Variants in CHRM3 observed in about 807,000 individuals in gnomAD.
CHRM3 encodes muscarinic acetylcholine receptor M3.
In CHRM3, 11 loss-of-function variants were observed where a neutral mutation model predicts 41.8. The observed-to-expected ratio is 0.26, with a 90% CI of 0.17 to 0.44. CHRM3 has a LOEUF of 0.44. Ranked by LOEUF, CHRM3 falls within the 20% of genes least tolerant of loss-of-function variation. The probability of loss-of-function intolerance (pLI) is 1.00; values close to 1 mark genes in which losing one functional copy is unlikely to be tolerated. For synonymous variants in CHRM3, 297 were observed against 301.4 expected (o/e 0.99, Z 0.15); for missense variants, 571 against 745.4 (o/e 0.77, Z 2.72).
At chr1:239,767,886 TGTTTAAGAGCCGGCCCTG>T (rs1667347692) in intron 5 of CHRM3, among the ~76,000 whole-genome samples, 1 of 152,128 alleles carries the variant, frequency 6.6e-6, no homozygotes, top group African/African-American at 2.4e-5. Flanking sequence ...CTGGGTATCT[TGTTTAAGAGCCGGCCCTG>T]GTTCACGTGG....
chr1:239,608,991 T>C (rs998513231), intron 3 of CHRM3, among the ~76,000 whole-genome samples: 2 of 152,206 alleles, frequency 1.3e-5, no homozygotes, highest in African/African-American at 2.4e-5. Flanking sequence ...ATAATTGATA[T>C]ACTATATACT....
At chr1:239,750,054 C>T (rs1665681516) in intron 5 of CHRM3, among the ~76,000 whole-genome samples, 1 of 152,150 alleles carries the variant, frequency 6.6e-6, no homozygotes, top group Non-Finnish European at 1.5e-5. Context: ...GCTATTACTT[C>T]GTCATATTGT....
At chr1:239,592,984 A>C (rs1664353380) in intron 3 of CHRM3, among the ~76,000 whole-genome samples, 1 of 152,014 alleles carries the variant, frequency 6.6e-6, no homozygotes, top group Non-Finnish European at 1.5e-5. Context: ...CCTGTTGCAC[A>C]AGCCAGAAAC....
chr1:239,518,529 T>C (rs1054628136), intron 2 of CHRM3, among the ~76,000 whole-genome samples: 23 of 152,180 alleles, frequency 1.5e-4, no homozygotes, highest in Non-Finnish European at 2.4e-4. Context: ...GGTAGACAAT[T>C]TGTCAACCTG....
intron 5 of CHRM3, among the ~76,000 whole-genome samples, chr1:239,800,367 C>G (rs1334711790): frequency 6.6e-6 from 1 of 152,220 alleles, no homozygotes; most frequent in Non-Finnish European, 1.5e-5. Flanking sequence ...TCGTCATCAT[C>G]TCTTTGTTCC....
At chr1:239,700,751 G>T (rs1480793190) in intron 5 of CHRM3, among the ~76,000 whole-genome samples, 1 of 152,058 alleles carries the variant, frequency 6.6e-6, no homozygotes, top group Non-Finnish European at 1.5e-5. Flanking sequence ...TATTTCTTTA[G>T]TTTGGCACAC....
At chr1:239,551,076 A>G (rs1237971433) in intron 3 of CHRM3, among the ~76,000 whole-genome samples, 2 of 149,894 alleles carry the variant, frequency 1.3e-5, no homozygotes, top group Non-Finnish European at 3.0e-5. Flanking sequence ...TATACTTCAT[A>G]TGACCAAGGA....
intron 3 of CHRM3, among the ~76,000 whole-genome samples, chr1:239,572,825 C>G (rs573044506): frequency 6.6e-6 from 1 of 152,144 alleles, no homozygotes; most frequent in South Asian, 2.1e-4. Flanking sequence ...AAAATGCAAT[C>G]ATGTTATTAA....
chr1:239,454,292 A>G (rs956738332), intron 1 of CHRM3, among the ~76,000 whole-genome samples: 1 of 152,114 alleles, frequency 6.6e-6, no homozygotes, highest in East Asian at 1.9e-4. Context: ...AGATTGGCTC[A>G]TTGGACTCCT....
intron 6 of CHRM3, among the ~76,000 whole-genome samples, chr1:239,841,224 C>T (rs1558170025): frequency 6.6e-6 from 1 of 152,166 alleles, no homozygotes; most frequent in East Asian, 1.9e-4. Flanking sequence ...CTCTTGATAT[C>T]AGTCTTTCCT....
At chr1:239,405,920 A>G (rs918167427) in intron 1 of CHRM3, among the ~76,000 whole-genome samples, 4 of 151,816 alleles carry the variant, frequency 2.6e-5, no homozygotes, top group Admixed American at 2.6e-4. Context: ...GTATCACTCT[A>G]TCATCAGGCT....
At chr1:239,818,636 C>T in intron 5 of CHRM3, among the ~76,000 whole-genome samples, 1 of 152,174 alleles carries the variant, frequency 6.6e-6, no homozygotes, top group Non-Finnish European at 1.5e-5. Flanking sequence ...ATGCCTGCTT[C>T]CCTGTGTCCA....
At chr1:239,833,717 G>C (rs1203976183) in intron 6 of CHRM3, among the ~76,000 whole-genome samples, 1 of 152,176 alleles carries the variant, frequency 6.6e-6, no homozygotes, top group East Asian at 1.9e-4. Flanking sequence ...TTCCCTGGTG[G>C]AGTCTGAAGG....
At chr1:239,884,255 C>T (rs747906501) in intron 6 of CHRM3, among the ~76,000 whole-genome samples, 8 of 152,160 alleles carry the variant, frequency 5.3e-5, no homozygotes, top group Non-Finnish European at 8.8e-5. Context: ...AATCCAATAA[C>T]AGGTGTCCTC....
At chr1:239,556,669 T>C (rs1007647254) in intron 3 of CHRM3, among the ~76,000 whole-genome samples, 1 of 152,212 alleles carries the variant, frequency 6.6e-6, no homozygotes, top group African/African-American at 2.4e-5. Flanking sequence ...CAGATTATTG[T>C]AATGACAGGG....
rs16838516 is a variant in CHRM3, at chr1:239,564,605, G to A, written c.-313+18856G>A. On this transcript the variant is annotated intron_variant, in intron 3 of 6. Coordinates refer to ENST00000676153, the MANE Select transcript of CHRM3 (RefSeq NM_001375978.1). ...GTTTAAAACTATTTTCCTGTCTCGT[G>A]GTTATTAATAGAACCATATATCTTA... Among the ~76,000 whole-genome samples the A allele has an allele frequency of 7.5e-3, 1,134 of 151,996 alleles. 20 individuals carry two copies. Among genetic ancestry groups the A allele is most frequent in the East Asian group, 0.032 (165 of 5,170 alleles).
chr1:239,821,761 T>G (rs1672071129), intron 5 of CHRM3, among the ~76,000 whole-genome samples: 4 of 152,208 alleles, frequency 2.6e-5, no homozygotes, highest in Admixed American at 2.0e-4. Context: ...GAAACTGATA[T>G]GGTTTGGCTG....
At chr1:239,583,148 A>G (rs1017578866) in intron 3 of CHRM3, among the ~76,000 whole-genome samples, 1 of 152,216 alleles carries the variant, frequency 6.6e-6, no homozygotes, top group Non-Finnish European at 1.5e-5. Context: ...TTTCCTTGAA[A>G]GAGCGAAATT....
intron 1 of CHRM3, among the ~76,000 whole-genome samples, chr1:239,427,976 AG>A (rs1193556128): frequency 1.3e-5 from 2 of 152,208 alleles, no homozygotes; most frequent in Non-Finnish European, 2.9e-5. Context: ...AATTGACAGA[AG>A]CCACAGGAAC....
Sources: gnomAD v4.1 joint callset for allele counts (sites outside exome capture counted in the v4.1 genomes callset) on GRCh38, gnomAD v4.1.1 for gene constraint, MANE v1.5 for transcripts, NCBI Gene and HGNC (gene_info 2026-07-23, HGNC 2026-07-21) for gene names.